The following MAF variants were observed in gnomAD, a reference collection of about 807,000 sequenced individuals.
The protein encoded by MAF is transcription factor Maf.
Under a neutral mutation model 22.0 loss-of-function variants are expected in MAF, and 10 were observed. The observed-to-expected ratio is 0.45, with a 90% CI of 0.28 to 0.77. MAF has a LOEUF of 0.77. MAF is among the 30% of genes least tolerant of loss of function. The pLI is 0.12. For synonymous variants in MAF, 337 were observed against 255.8 expected (o/e 1.32, Z -3.03); for missense variants, 544 against 548.4 (o/e 0.99, Z 0.08).
Position 79,599,782 on chromosome 16 carries a change from G to A in MAF, c.121C>T (p.Arg41Cys), listed in dbSNP as rs1913890093. Reference protein sequence around the residue: ...EVKKEPVETDRIISQCGRLIA... With the variant: ...EVKKEPVETDCIISQCGRLIA... ...AGACGGCCGCACTGGCTGATGATGCGGTCGGTCTCCACCGGTTCCTTTTTC... is the reference window on the plus strand; with the variant it reads ...AGACGGCCGCACTGGCTGATGATGCAGTCGGTCTCCACCGGTTCCTTTTTC... Residue 41 changes from arginine to cysteine, a missense_variant, in exon 1 of 2, where the codon CGC (arginine) becomes TGC (cysteine). Around this residue, in one of 5 missense-constraint regions of MAF, gnomAD observed 63 missense variants for 72.7 expected, o/e 0.87. Coordinates refer to ENST00000326043, the MANE Select transcript of MAF (RefSeq NM_005360.5). 6.2e-7 allele frequency: 1 copy of A among 1,612,918 alleles called. No individual in the cohort carries two copies. The highest frequency in any genetic ancestry group is 1.3e-5 in the African/African-American group (1 of 74,904).
At chr16:79,402,509 G>A in the MAF span, among the ~76,000 whole-genome samples, 1 of 152,332 alleles carries the variant, frequency 6.6e-6, no homozygotes. Flanking sequence ...GGAAAACACT[G>A]GGCCAGTGGG....
At chr16:79,529,876 G>A in the MAF span, among the ~76,000 whole-genome samples, 3 of 151,630 alleles carry the variant, frequency 2.0e-5, no homozygotes, top group Admixed American at 6.6e-5. Context: ...CAGGAGAATC[G>A]CTTGAACCTG....
the MAF span, among the ~76,000 whole-genome samples, chr16:79,489,830 G>A: frequency 1.3e-5 from 2 of 152,178 alleles, no homozygotes; most frequent in Non-Finnish European, 2.9e-5. Context: ...GTGAAACGCA[G>A]CCAGCTTAGC....
chr16:79,565,276 G>C, the MAF span, among the ~76,000 whole-genome samples: 1 of 152,104 alleles, frequency 6.6e-6, no homozygotes, highest in African/African-American at 2.4e-5. Flanking sequence ...CACAACCAGG[G>C]GCATTCATTT....
chr16:79,266,527 G>A, the MAF span, among the ~76,000 whole-genome samples: 1 of 152,200 alleles, frequency 6.6e-6, no homozygotes, highest in African/African-American at 2.4e-5. Context: ...CAACATGGTG[G>A]TGTATGGAAC....
chr16:79,278,875 C>T, the MAF span, among the ~76,000 whole-genome samples: 1 of 151,992 alleles, frequency 6.6e-6, no homozygotes, highest in Non-Finnish European at 1.5e-5. Flanking sequence ...CTACTGAACA[C>T]GTCTATTAAT....
chr16:79,533,047 T>C, the MAF span, among the ~76,000 whole-genome samples: 3 of 152,234 alleles, frequency 2.0e-5, no homozygotes, highest in Non-Finnish European at 1.5e-5. Flanking sequence ...AATACAGGAA[T>C]GCCCTTCGGG....
the MAF span, among the ~76,000 whole-genome samples, chr16:79,250,029 C>A: frequency 6.6e-6 from 1 of 152,190 alleles, no homozygotes; most frequent in South Asian, 2.1e-4. Context: ...TGAATTAGCC[C>A]GTTACCAGCA....
At chr16:79,491,454 C>A in the MAF span, among the ~76,000 whole-genome samples, 1 of 152,264 alleles carries the variant, frequency 6.6e-6, no homozygotes, top group East Asian at 1.9e-4. Context: ...AGGCAGAGAG[C>A]CAGCTTCGCA....
chr16:79,367,501 T>C, the MAF span, among the ~76,000 whole-genome samples: 1 of 152,172 alleles, frequency 6.6e-6, no homozygotes. Flanking sequence ...TATAGCTTAG[T>C]CCTCTGATGC....
the MAF span, among the ~76,000 whole-genome samples, chr16:79,460,157 A>T: frequency 1.8e-4 from 28 of 152,122 alleles, no homozygotes; most frequent in Middle Eastern, 3.4e-3. Flanking sequence ...TCTGTTTATC[A>T]TTTTTATTTT....
chr16:79,535,410 G>A, the MAF span, among the ~76,000 whole-genome samples: 2 of 150,558 alleles, frequency 1.3e-5, no homozygotes, highest in Non-Finnish European at 3.0e-5. Context: ...ACTTCTGCTT[G>A]TTTTATGGGT....
the MAF span, among the ~76,000 whole-genome samples, chr16:79,446,710 A>G: frequency 4.6e-5 from 7 of 151,618 alleles, no homozygotes; most frequent in African/African-American, 1.7e-4. Flanking sequence ...CCAGAAGTTC[A>G]AGACCAGCCT....
the MAF span, among the ~76,000 whole-genome samples, chr16:79,358,106 C>T: frequency 6.6e-6 from 1 of 152,224 alleles, no homozygotes; most frequent in Non-Finnish European, 1.5e-5. Context: ...CACGGCACAT[C>T]ACAGCCCCTG....
At chr16:79,591,726 AAC>A (rs1356906056), downstream of MAF, among the ~76,000 whole-genome samples, 2 of 152,280 alleles carry the variant, frequency 1.3e-5, no homozygotes, top group Non-Finnish European at 2.9e-5. Flanking sequence ...ACTTACGGAA[AAC>A]ACACAGAGGG....
the MAF span, among the ~76,000 whole-genome samples, chr16:79,461,685 T>C: frequency 2.0e-5 from 3 of 152,066 alleles, no homozygotes; most frequent in Non-Finnish European, 4.4e-5. Context: ...TTTGGAGAAA[T>C]GGGAGAGGGC....
chr16:79,354,335 G>A, the MAF span, among the ~76,000 whole-genome samples: 2 of 152,240 alleles, frequency 1.3e-5, no homozygotes, highest in Admixed American at 1.3e-4. Flanking sequence ...GATGCAACAG[G>A]AGAGGAACAC....
chr16:79,333,196 G>C, the MAF span, among the ~76,000 whole-genome samples: 1 of 152,134 alleles, frequency 6.6e-6, no homozygotes. Context: ...TCTTTGGCTC[G>C]CTGGACCAGA....
the MAF span, among the ~76,000 whole-genome samples, chr16:79,433,041 T>C: frequency 6.6e-6 from 1 of 152,192 alleles, no homozygotes; most frequent in African/African-American, 2.4e-5. Flanking sequence ...TTCATGTAAC[T>C]GACTAAACCC....
Sources: gnomAD v4.1 joint callset for allele counts (sites outside exome capture counted in the v4.1 genomes callset) on GRCh38, gnomAD v4.1.1 for gene constraint, gnomAD v4.1.1 regional missense constraint, MANE v1.5 for transcripts, NCBI Gene and HGNC (gene_info 2026-07-23, HGNC 2026-07-21) for gene names.